KCNQ5: variants seen among roughly 807,000 people sequenced by gnomAD.
KCNQ5 encodes potassium voltage-gated channel subfamily KQT member 5.
In KCNQ5, 30 loss-of-function variants were observed where a neutral mutation model predicts 98.2. The ratio of observed to expected loss-of-function variants is 0.31; its 90% CI spans 0.23 to 0.41. The LOEUF is 0.41. KCNQ5 is among the 10% of genes least tolerant of loss of function. KCNQ5 has a pLI of 1.00. For synonymous variants in KCNQ5, 458 were observed against 449.4 expected (o/e 1.02, Z -0.24); for missense variants, 835 against 1,182.5 (o/e 0.71, Z 4.31).
rs1562082681 is a variant in KCNQ5 at position 72,941,560 on chromosome 6, C to CTCCTTCCTTCCTCCTTCCCTCCCT, written c.399-62347_399-62324dup. 2.0e-4 allele frequency among the ~76,000 whole-genome samples: 16 copies of CTCCTTCCTTCCTCCTTCCCTCCCT among 80,908 alleles called. 1 individual carries two copies. Among genetic ancestry groups the CTCCTTCCTTCCTCCTTCCCTCCCT allele is most frequent in the Non-Finnish European group, 3.6e-4 (12 of 33,634 alleles). 53.1% of individuals were successfully genotyped at this position (80,908 alleles called of 152,430 possible). On this transcript the variant is annotated intron_variant, in intron 1 of 13. Coordinates refer to ENST00000370398, the MANE Select transcript of KCNQ5 (RefSeq NM_019842.4). ...CCTCCTTCCTTTCCTTCTTCCCTCC[C>CTCCTTCCTTCCTCCTTCCCTCCCT]TCCTTCCTTCCTCCTTCCCTCCCTC... is the stretch of plus-strand genomic sequence containing the variant.
intron 1 of KCNQ5, among the ~76,000 whole-genome samples, chr6:72,901,072 A>G (rs555687699): frequency 6.6e-6 from 1 of 151,408 alleles, no homozygotes; most frequent in Non-Finnish European, 1.5e-5. Flanking sequence ...GGTGTGCTGC[A>G]CCCATTAACT....
intron 2 of KCNQ5, among the ~76,000 whole-genome samples, chr6:73,039,449 A>C (rs1218379232): frequency 2.0e-5 from 3 of 152,064 alleles, no homozygotes; most frequent in African/African-American, 4.8e-5. Flanking sequence ...CTATAATGTA[A>C]GCATTTAGTG....
At chr6:72,667,432 G>T (rs1055455918) in intron 1 of KCNQ5, among the ~76,000 whole-genome samples, 1 of 152,018 alleles carries the variant, frequency 6.6e-6, no homozygotes, top group Non-Finnish European at 1.5e-5. Context: ...GACAGTTCAG[G>T]AATAAGAAAA....
chr6:73,193,836 C>CTTTTTTTT (rs71540369), intron 13 of KCNQ5, among the ~76,000 whole-genome samples: 1 of 124,582 alleles, frequency 8.0e-6, no homozygotes, highest in African/African-American at 3.0e-5. Context: ...AATGGGAAGT[C>CTTTTTTTT]TTTTTTTTTT....
At chr6:72,919,974 T>A (rs1444514689) in intron 1 of KCNQ5, among the ~76,000 whole-genome samples, 1 of 152,140 alleles carries the variant, frequency 6.6e-6, no homozygotes, top group Admixed American at 6.5e-5. Context: ...TCACCAAAAG[T>A]GTCTTGCAGC....
chr6:73,146,346 C>G (rs939901538), intron 10 of KCNQ5, among the ~76,000 whole-genome samples: 1 of 152,126 alleles, frequency 6.6e-6, no homozygotes, highest in Admixed American at 6.5e-5. Flanking sequence ...AATTCATCAC[C>G]AGGCACAGTG....
intron 1 of KCNQ5, among the ~76,000 whole-genome samples, chr6:72,658,654 T>C (rs7771839): frequency 0.49 from 70,233 of 144,032 alleles, 19,466 homozygotes; most frequent in African/African-American, 0.75. Flanking sequence ...GATCTCACCT[T>C]ACTGCAACCT....
intron 3 of KCNQ5, among the ~76,000 whole-genome samples, chr6:73,060,811 GA>G (rs922676333): frequency 2.0e-5 from 3 of 152,110 alleles, no homozygotes; most frequent in African/African-American, 7.2e-5. Flanking sequence ...AAATGCAAAT[GA>G]AAGCATTCTC....
chr6:73,011,358 T>C lies in KCNQ5; in HGVS notation c.489+7360T>C, dbSNP rs562401922. Among the ~76,000 whole-genome samples, 51 of 152,180 alleles carry C rather than the reference T, an allele frequency of 3.4e-4. 1 individual carries two copies. The South Asian group carries it at 7.9e-3, about 23-fold the overall frequency. ...ATAAACCCACACACTTACGGTCAAA[T>C]GATTTTTGACCATTCAGTGGGGAAA... On this transcript the variant is annotated intron_variant, in intron 2 of 13. Transcript: ENST00000370398.
intron 1 of KCNQ5, among the ~76,000 whole-genome samples, chr6:72,908,563 A>G (rs1779793511): frequency 6.6e-6 from 1 of 152,162 alleles, no homozygotes; most frequent in Non-Finnish European, 1.5e-5. Context: ...ATCCACAGGC[A>G]GATTTTTCAT....
chr6:72,832,289 ATCCTTTTTGTT>A (rs2150125107), intron 1 of KCNQ5, among the ~76,000 whole-genome samples: 1 of 152,200 alleles, frequency 6.6e-6, no homozygotes, highest in East Asian at 1.9e-4. Flanking sequence ...TGAGAGCAGA[ATCCTTTTTGTT>A]TTTACCTAAA....
intron 1 of KCNQ5, among the ~76,000 whole-genome samples, chr6:72,785,423 T>C (rs1773686196): frequency 6.6e-6 from 1 of 151,450 alleles, no homozygotes; most frequent in Admixed American, 6.6e-5. Context: ...CCGAGGCGGG[T>C]GGATCGCCTG....
chr6:73,186,538 C>G (rs1392283347), intron 11 of KCNQ5, among the ~76,000 whole-genome samples: 1 of 152,156 alleles, frequency 6.6e-6, no homozygotes, highest in Non-Finnish European at 1.5e-5. Flanking sequence ...CCTGTCATAG[C>G]TGTTTTCAAA....
intron 1 of KCNQ5, among the ~76,000 whole-genome samples, chr6:72,862,608 C>A (rs1777815908): frequency 6.6e-6 from 1 of 152,006 alleles, no homozygotes; most frequent in Non-Finnish European, 1.5e-5. Context: ...AAAACCTAGC[C>A]AATGTCTTCC....
At chr6:72,741,624 T>C (rs908982835) in intron 1 of KCNQ5, among the ~76,000 whole-genome samples, 1 of 152,168 alleles carries the variant, frequency 6.6e-6, no homozygotes, top group African/African-American at 2.4e-5. Context: ...AACAAAACTT[T>C]GGAGCATTAG....
chr6:72,816,995 A>G (rs748658118), intron 1 of KCNQ5, among the ~76,000 whole-genome samples: 1 of 152,256 alleles, frequency 6.6e-6, no homozygotes, highest in Non-Finnish European at 1.5e-5. Flanking sequence ...TGAGAAATAC[A>G]GAAAGATGTT....
chr6:73,115,959 G>A (rs1290791455), intron 7 of KCNQ5, among the ~76,000 whole-genome samples: 2 of 152,190 alleles, frequency 1.3e-5, no homozygotes. Flanking sequence ...CCAGGAGAAA[G>A]ATCTTCAAGG....
rs1254538471 is a variant in KCNQ5 at position 72,676,682 on chromosome 6, T to C, written c.398+54095T>C. Among the ~76,000 whole-genome samples, 3 of 152,230 alleles carry C rather than the reference T, an allele frequency of 2.0e-5. No homozygotes were observed. In the East Asian group the frequency reaches 5.8e-4, roughly 29 times the overall value. ...TTTTAAAAATGCTGTCACTTCTCCTTGTTTATATCTATTTTTGCTTTTTTC... is the reference window on the plus strand; with the variant it reads ...TTTTAAAAATGCTGTCACTTCTCCTCGTTTATATCTATTTTTGCTTTTTTC... On this transcript the variant is annotated intron_variant, in intron 1 of 13. Transcript: ENST00000370398.
intron 1 of KCNQ5, among the ~76,000 whole-genome samples, chr6:72,958,414 G>C (rs1259231740): frequency 6.6e-6 from 1 of 152,054 alleles, no homozygotes; most frequent in East Asian, 1.9e-4. Context: ...TTAATATCCT[G>C]CCTGTCTAGC....
Sources: allele counts gnomAD v4.1 joint callset (sites outside exome capture counted in the v4.1 genomes callset), GRCh38; gene constraint gnomAD v4.1.1; transcripts MANE v1.5; gene names NCBI Gene and HGNC (gene_info 2026-07-23, HGNC 2026-07-21).